DST: variants seen among roughly 807,000 people sequenced by gnomAD.
DST encodes the protein dystonin.
DST carries 253 observed loss-of-function variants against 875.2 expected under a neutral mutation model. The ratio of observed to expected loss-of-function variants is 0.29; its 90% CI spans 0.26 to 0.32. The LOEUF (loss-of-function observed/expected upper bound fraction) is 0.32. DST is among the 10% of genes least tolerant of loss of function. DST has a pLI of 1.00. For synonymous variants in DST, 3,124 were observed against 3,197.1 expected (o/e 0.98, Z 0.77); for missense variants, 8,287 against 9,111.6 (o/e 0.91, Z 3.68).
In DST at chr6:56,654,629, C is replaced by T. The variant is rs957328973; in HGVS notation, c.1215-3385G>A. 2.3e-5 allele frequency among the ~76,000 whole-genome samples: 3 copies of T among 130,294 alleles called. No homozygotes were observed. In the East Asian group the frequency reaches 7.2e-4, roughly 31 times the overall value. 85.5% of individuals were successfully genotyped at this position (130,294 alleles called of 152,430 possible). ...ATCTCCACACGTATATATACATATA[C>T]AGGTATGTTGGCATTTATGTATAGA... On this transcript the variant is annotated intron_variant, in intron 10 of 103. Coordinates refer to ENST00000680361, the MANE Select transcript of DST (RefSeq NM_001374736.1).
At position 56,573,730 on chromosome 6, in the gene DST, A is replaced by G. The variant is rs749426858; in HGVS notation, c.13185T>C (p.Gly4395=). 2.5e-6 allele frequency: 4 copies of G among 1,613,670 alleles called. No individual in the cohort carries two copies. Among genetic ancestry groups the G allele is most frequent in the African/African-American group, 2.7e-5 (2 of 75,008 alleles). Residue 4395 remains glycine (G), a synonymous_variant, in exon 51 of 104, where the codon GGT becomes GGC. Coordinates refer to ENST00000680361, the MANE Select transcript of DST (RefSeq NM_001374736.1). ...GNVESSLKEQ[G]QVPLNSTALQ... is the part of the protein sequence containing the mutation. ...GAGCAGTAGAGTTTAAAGGCACTTG[A>G]CCTTGTTCTTTCAGAGAACTTTCCA...
rs745310695 is a variant in DST, at chr6:56,526,553, T to C, written c.17937A>G (p.Glu5979=). 2.5e-6 allele frequency: 4 copies of C among 1,613,364 alleles called. No homozygotes were observed. In the South Asian group the frequency reaches 3.3e-5, roughly 13 times the overall value. The change falls in exon 69 of 104, where the codon GAA becomes GAG. Residue 5979 remains glutamate (E), a synonymous_variant. Coordinates refer to ENST00000680361, the MANE Select transcript of DST (RefSeq NM_001374736.1). ...CCAGTAAGGCTTTGTTGTTCTTAGC[T>C]TCCTTTTTCAGTTCCTGAAAACATA... ...AQMRPKELKK[E]AKNNKALLDS...
At chr6:56,867,966 G>A (rs1775062818) in intron 3 of DST, among the ~76,000 whole-genome samples, 3 of 152,168 alleles carry the variant, frequency 2.0e-5, no homozygotes. Flanking sequence ...TGGAGTCATG[G>A]TGATTACCCG....
intron 89 of DST, 24 bp from the exon 90 acceptor site, chr6:56,482,202 C>CACA: frequency 3.9e-5 from 62 of 1,592,622 alleles, no homozygotes; most frequent in Middle Eastern, 1.7e-4. Flanking sequence ...CACACACACA[C>CACA]CCCAAACAAA....
intron 90 of DST, among the ~76,000 whole-genome samples, chr6:56,479,481 T>C (rs1247191299): frequency 6.6e-6 from 1 of 152,106 alleles, no homozygotes; most frequent in Non-Finnish European, 1.5e-5. Flanking sequence ...ACTCATATGT[T>C]CATTCCAGCA....
chr6:56,604,025 T>C lies in DST; in HGVS notation c.10603A>G (p.Lys3535Glu). Residue 3535 changes from lysine (K) to glutamate (E), a missense_variant, in exon 40 of 104, where the codon AAA becomes GAA. Coordinates refer to ENST00000680361, the MANE Select transcript of DST (RefSeq NM_001374736.1). ...TTAGGAGAATAGTAGTTTCCTTCTT[T>C]GCTTTTAATATCACCAAGAATATGT... ...KPHILGDIKSKEGNYYSPNLE... is the reference protein window; with the variant it reads ...KPHILGDIKSEEGNYYSPNLE... The C allele has an allele frequency of 6.3e-7, 1 of 1,595,154 alleles. No individual in the cohort carries two copies. The highest frequency in any genetic ancestry group is 8.6e-7 in the Non-Finnish European group (1 of 1,169,180).
chr6:56,614,947 T>C, intron 36 of DST: 3 of 992,894 alleles, frequency 3.0e-6, no homozygotes, highest in Non-Finnish European at 1.2e-6. Flanking sequence ...TTCATAATGT[T>C]AGCTTTCAAG....
Position 56,526,551 on chromosome 6 carries a change from G to C in DST, c.17939C>G (p.Ala5980Gly), listed in dbSNP as rs778663720. The C allele has an allele frequency of 2.4e-5, 38 of 1,613,272 alleles. No individual in the cohort carries two copies. The Middle Eastern group carries it at 6.6e-4, about 28-fold the overall frequency. The stretch of plus-strand genomic sequence containing the variant: ...GTCCAGTAAGGCTTTGTTGTTCTTA[G>C]CTTCCTTTTTCAGTTCCTGAAAACA... ...QMRPKELKKE[A>G]KNNKALLDSL... The change falls in exon 69 of 104, where the codon GCT becomes GGT. Residue 5980 changes from alanine to glycine, a missense_variant. Physicochemically the swap from Ala to Gly is moderately conservative, Grantham distance 60. Around this residue, in one of 10 missense-constraint regions of DST, gnomAD observed 777 missense variants for 764.8 expected, o/e 1.02. Coordinates refer to ENST00000680361, the MANE Select transcript of DST (RefSeq NM_001374736.1).
chr6:56,476,223 T>G lies in DST; in HGVS notation c.21790A>C (p.Thr7264Pro), dbSNP rs1371340365. The change falls in exon 92 of 104, where the codon ACA becomes CCA. Residue 7264 changes from threonine to proline, a missense_variant. Physicochemically the swap from Thr to Pro is conservative, Grantham distance 38. Around this residue, in one of 10 missense-constraint regions of DST, gnomAD observed 1,292 missense variants for 1,552.7 expected, o/e 0.83. Transcript: ENST00000680361. ...ACTTCTTTATCCTTATCAGTAAGTG[T>G]AGTTTCAGCCCATTGCAACCAAGCC... ...LLAWLQWAET[T>P]LTDKDKEVIP... The G allele has an allele frequency of 6.2e-7, 1 of 1,612,526 alleles. No individual in the cohort carries two copies.
Position 56,608,654 on chromosome 6 carries a change from G to A in DST, c.5974C>T (p.Leu1992Phe), listed in dbSNP as rs2098518506. The A allele has an allele frequency of 1.2e-6, 2 of 1,613,224 alleles. No individual in the cohort carries two copies. Among genetic ancestry groups the A allele is most frequent in the Admixed American group, 3.3e-5 (2 of 59,844 alleles). ...TMFRLLSAQL[L>F]SGGLINSNSG... ...TTGGAATTGATCAGACCTCCAGAAA[G>A]AAGCTGTGCACTTAACAACCTAAAC... Residue 1992 changes from leucine (L) to phenylalanine (F), a missense_variant, in exon 40 of 104, where the codon CTT (leucine) becomes TTT (phenylalanine). This residue lies in a region of DST where 3,138 missense variants were observed against 3,116.6 expected (regional missense o/e 1.01). Coordinates refer to ENST00000680361, the MANE Select transcript of DST (RefSeq NM_001374736.1).
chr6:56,655,035 C>T (rs374538024), intron 10 of DST, among the ~76,000 whole-genome samples: 5 of 151,956 alleles, frequency 3.3e-5, no homozygotes, highest in African/African-American at 1.2e-4. Flanking sequence ...GTGTCGGGTG[C>T]CTGTAACCCC....
intron 3 of DST, among the ~76,000 whole-genome samples, chr6:56,857,323 C>G (rs1415764349): frequency 6.6e-6 from 1 of 152,190 alleles, no homozygotes; most frequent in Non-Finnish European, 1.5e-5. Context: ...CAGCCCATAG[C>G]AAGGTCTTTT....
chr6:56,855,953 T>C (rs1158567931), intron 3 of DST, among the ~76,000 whole-genome samples: 2 of 152,236 alleles, frequency 1.3e-5, no homozygotes, highest in East Asian at 1.9e-4. Context: ...TTCATTTTTT[T>C]TTCTCATCAA....
chr6:56,653,622 T>C (rs995666138), intron 10 of DST, among the ~76,000 whole-genome samples: 20 of 151,984 alleles, frequency 1.3e-4, no homozygotes, highest in Admixed American at 1.3e-3. Context: ...GAGGCAGAGG[T>C]TGCAGTGAGC....
At position 56,527,592 on chromosome 6, in the gene DST, C is replaced by A; in HGVS notation, c.17823G>T (p.Glu5941Asp). 1 of 1,613,830 alleles carries A rather than the reference C, an allele frequency of 6.2e-7. No homozygotes were observed. Residue 5941 changes from glutamate to aspartate, a missense_variant, in exon 68 of 104, where the codon GAG (glutamate) becomes GAT (aspartate). Transcript: ENST00000680361. ...LARRLHSTHE[E>D]LCTWLDKVEV... The stretch of plus-strand genomic sequence containing the variant: ...CCACTTTGTCCAGCCAGGTACACAG[C>A]TCTTCGTGTGTGGAGTGCAGCCGCC...
chr6:56,748,855 A>G (rs1480951876), intron 4 of DST, among the ~76,000 whole-genome samples: 2 of 152,248 alleles, frequency 1.3e-5, no homozygotes, highest in South Asian at 4.1e-4. Context: ...AGTCTCCAAC[A>G]TCAAGGAACT....
intron 32 of DST, 121 bp downstream of exon 32, chr6:56,629,129 G>C: frequency 1.1e-6 from 1 of 924,840 alleles, no homozygotes; most frequent in Non-Finnish European, 1.7e-6. Context: ...CTAAGTAGAG[G>C]TATTGTAATT....
At chr6:56,580,434 C>CA (rs2097951733) in intron 49 of DST, among the ~76,000 whole-genome samples, 1 of 151,872 alleles carries the variant, frequency 6.6e-6, no homozygotes, top group African/African-American at 2.4e-5. Flanking sequence ...CCTGTAGTCT[C>CA]AATTACTCAG....
At chr6:56,668,568 C>T (rs539664666) in intron 10 of DST, among the ~76,000 whole-genome samples, 1 of 151,898 alleles carries the variant, frequency 6.6e-6, no homozygotes, top group African/African-American at 2.4e-5. Flanking sequence ...ATGGTGAAAT[C>T]CTGTCTCTAC....
Sources: gnomAD v4.1 joint callset for allele counts (sites outside exome capture counted in the v4.1 genomes callset) on GRCh38, gnomAD v4.1.1 for gene constraint, gnomAD v4.1.1 regional missense constraint, MANE v1.5 for transcripts, NCBI Gene and HGNC (gene_info 2026-07-23, HGNC 2026-07-21) for gene names.